NEO1: variants seen among roughly 807,000 people sequenced by gnomAD.
NEO1 encodes neogenin.
NEO1 carries 63 observed loss-of-function variants against 159.7 expected under a neutral mutation model. The observed-to-expected ratio is 0.39, with a 90% CI of 0.32 to 0.49. The LOEUF (loss-of-function observed/expected upper bound fraction) is 0.49. Among genes scored for constraint, NEO1 ranks in the 20% least tolerant of loss-of-function variants. NEO1 has a pLI of 0.85. For synonymous variants in NEO1, 633 were observed against 662.0 expected, an observed-to-expected ratio of 0.96 and a Z score of 0.67; for missense variants, 1,615 against 1,831.0, an observed-to-expected ratio of 0.88 and a Z score of 2.15.
chr15:73,096,836 T>C (rs2070069390), intron 1 of NEO1, among the ~76,000 whole-genome samples: 2 of 152,108 alleles, frequency 1.3e-5, no homozygotes, highest in South Asian at 4.1e-4. Context: ...CTTTACTTAA[T>C]AATGTAAGGC....
intron 21 of NEO1, among the ~76,000 whole-genome samples, chr15:73,276,723 T>C (rs929723600): frequency 1.3e-5 from 2 of 152,246 alleles, no homozygotes; most frequent in African/African-American, 4.8e-5. Context: ...CAGATTTTAA[T>C]GTTTTCATTT....
chr15:73,179,122 C>T (rs956316381), intron 7 of NEO1, among the ~76,000 whole-genome samples: 4 of 152,102 alleles, frequency 2.6e-5, no homozygotes, highest in Admixed American at 2.0e-4. Context: ...TCCTGTATCT[C>T]AAATTAGGGA....
intron 1 of NEO1, among the ~76,000 whole-genome samples, chr15:73,072,746 A>G (rs2068595370): frequency 6.6e-6 from 1 of 152,176 alleles, no homozygotes; most frequent in African/African-American, 2.4e-5. Context: ...GTCATGTTTC[A>G]TACTTAGGCC....
intron 4 of NEO1, 45 bp downstream of exon 4, chr15:73,126,615 A>T: frequency 1.3e-6 from 2 of 1,573,954 alleles, no homozygotes; most frequent in Non-Finnish European, 1.7e-6. Context: ...TTAGCTTGAG[A>T]CTTTGTCATA....
At chr15:73,277,090 A>G (rs757950552) in intron 21 of NEO1, among the ~76,000 whole-genome samples, 1 of 152,212 alleles carries the variant, frequency 6.6e-6, no homozygotes, top group Non-Finnish European at 1.5e-5. Flanking sequence ...CTGAGGCCCA[A>G]AAAGAATAAA....
At chr15:73,238,286 T>TG in intron 8 of NEO1, among the ~76,000 whole-genome samples, 2 of 143,324 alleles carry the variant, frequency 1.4e-5, no homozygotes. Flanking sequence ...TTTTTTTTTT[T>TG]TTTTTTTTTT....
At chr15:73,062,321 A>G (rs956582068) in intron 1 of NEO1, among the ~76,000 whole-genome samples, 3 of 152,202 alleles carry the variant, frequency 2.0e-5, no homozygotes, top group African/African-American at 4.8e-5. Context: ...AGAATTGCCT[A>G]TTCATGTGTT....
intron 23 of NEO1, among the ~76,000 whole-genome samples, chr15:73,287,485 G>C (rs2041989708): frequency 1.3e-5 from 2 of 152,172 alleles, no homozygotes; most frequent in South Asian, 4.1e-4. Context: ...TCCTCATTAG[G>C]GGTAAGTAAG....
chr15:73,206,680 T>C (rs1278222360), intron 7 of NEO1, among the ~76,000 whole-genome samples: 2 of 152,238 alleles, frequency 1.3e-5, no homozygotes, highest in Non-Finnish European at 2.9e-5. Context: ...GTCTTGCTTA[T>C]CTGCTCATTT....
intron 25 of NEO1, among the ~76,000 whole-genome samples, chr15:73,292,252 T>A (rs1394305933): frequency 6.6e-6 from 1 of 152,142 alleles, no homozygotes; most frequent in Non-Finnish European, 1.5e-5. Context: ...ACCAGAGTAA[T>A]GTTGAATAGC....
chr15:73,119,145 C>T (rs2151631324), intron 2 of NEO1, among the ~76,000 whole-genome samples: 1 of 152,174 alleles, frequency 6.6e-6, no homozygotes, highest in African/African-American at 2.4e-5. Context: ...CAAGTGAGTA[C>T]AAGATTTCTT....
intron 13 of NEO1, chr15:73,255,646 T>C (rs1241918913): frequency 6.6e-6 from 1 of 152,292 alleles, no homozygotes; most frequent in Non-Finnish European, 1.5e-5. Context: ...GACTGTAGTC[T>C]GAGCAGACCC....
chr15:73,071,095 G>A (rs2068509075), intron 1 of NEO1, among the ~76,000 whole-genome samples: 1 of 151,956 alleles, frequency 6.6e-6, no homozygotes, highest in African/African-American at 2.4e-5. Context: ...CTACAGGTGG[G>A]TGCTACCACA....
intron 15 of NEO1, 33 bp from the exon 16 acceptor site, chr15:73,266,283 G>T (rs1406174119): frequency 1.3e-6 from 2 of 1,544,088 alleles, no homozygotes; most frequent in Non-Finnish European, 1.8e-6. Context: ...TCTGTAGTGA[G>T]CATTTTTTTA....
chr15:73,207,248 C>T (rs1365724073), intron 7 of NEO1, among the ~76,000 whole-genome samples: 1 of 152,108 alleles, frequency 6.6e-6, no homozygotes, highest in Admixed American at 6.6e-5. Flanking sequence ...TACTTAAACA[C>T]AGTAAAGTAG....
chr15:73,197,408 A>G (rs2036587365), intron 7 of NEO1, among the ~76,000 whole-genome samples: 1 of 152,144 alleles, frequency 6.6e-6, no homozygotes, highest in Non-Finnish European at 1.5e-5. Flanking sequence ...GATTTGTTCA[A>G]TGTTTTATTT....
chr15:73,117,743 C>G (rs1171820886), intron 2 of NEO1, among the ~76,000 whole-genome samples: 2 of 151,992 alleles, frequency 1.3e-5, no homozygotes, highest in Non-Finnish European at 2.9e-5. Flanking sequence ...GGGACAAATA[C>G]TCAAAGTTGA....
Position 73,298,536 on chromosome 15 carries a change from G to T in NEO1, c.4090G>T (p.Val1364Leu), listed in dbSNP as rs527715515. The T allele has an allele frequency of 1.9e-6, 3 of 1,613,972 alleles. No homozygotes were observed. Among genetic ancestry groups the T allele is most frequent in the East Asian group, 2.2e-5 (1 of 44,888 alleles). The change falls in exon 27 of 29, where the codon GTG (valine) becomes TTG (leucine). Residue 1364 changes from valine to leucine, a missense_variant. Val to Leu is a conservative substitution (Grantham distance 32). Coordinates refer to ENST00000261908, the MANE Select transcript of NEO1 (RefSeq NM_002499.4). ...TTCCCACCCATTGAAGAGCTTCGCC[G>T]TGCCAGCAATCCCGCCTCCAGGACC... ...RPSHPLKSFA[V>L]PAIPPPGPPT...
At chr15:73,234,696 A>G (rs113051012) in intron 7 of NEO1, among the ~76,000 whole-genome samples, 21 of 152,286 alleles carry the variant, frequency 1.4e-4, no homozygotes, top group African/African-American at 4.3e-4. Flanking sequence ...TTACATTCTT[A>G]TAACAATCTG....
Sources: allele counts gnomAD v4.1 joint callset (sites outside exome capture counted in the v4.1 genomes callset), GRCh38; gene constraint gnomAD v4.1.1; transcripts MANE v1.5; gene names NCBI Gene and HGNC (gene_info 2026-07-23, HGNC 2026-07-21).